IQCH: variants seen among roughly 807,000 people sequenced by gnomAD.
IQCH encodes IQ motif containing H, also known as IQ domain-containing protein H.
IQCH carries 98 observed loss-of-function variants against 117.0 expected under a neutral mutation model. The ratio of observed to expected loss-of-function variants is 0.84; its 90% confidence interval spans 0.71 to 0.99. The LOEUF is 0.99. IQCH is among the 50% of genes least tolerant of loss of function. The pLI is 0.00. For synonymous variants in IQCH, 412 were observed against 448.2 expected (o/e 0.92, Z 1.02); for missense variants, 1,102 against 1,243.8 (o/e 0.89, Z 1.72).
chr15:67,489,362 G>C (rs1000346750), intron 18 of IQCH, among the ~76,000 whole-genome samples: 1 of 151,762 alleles, frequency 6.6e-6, no homozygotes, highest in African/African-American at 2.4e-5. Flanking sequence ...TTTTGCTCTT[G>C]TTGCCCAGGC....
intron 12 of IQCH, among the ~76,000 whole-genome samples, chr15:67,389,251 A>T (rs1971204402): frequency 6.6e-6 from 1 of 152,208 alleles, no homozygotes; most frequent in Admixed American, 6.5e-5. Context: ...AGGTGGTACC[A>T]TCAAGTAGGT....
At chr15:67,450,531 A>G (rs1331683655) in intron 16 of IQCH, among the ~76,000 whole-genome samples, 2 of 151,938 alleles carry the variant, frequency 1.3e-5, no homozygotes, top group African/African-American at 4.8e-5. Context: ...GCATTTATTG[A>G]TTTGCGTATG....
At chr15:67,264,274 G>C (rs1213921931) in intron 3 of IQCH, among the ~76,000 whole-genome samples, 4 of 152,170 alleles carry the variant, frequency 2.6e-5, no homozygotes, top group Admixed American at 1.3e-4. Context: ...CAAGGCACTT[G>C]TATTAGTTAT....
At position 67,395,377 on chromosome 15, in the gene IQCH, C is replaced by A. The variant is rs779851140; in HGVS notation, c.1719C>A (p.Ala573=). The part of the protein sequence containing the change: ...RIKNLIRGTE[A]YIVSGLLHRD... Reference sequence around the variant, plus strand: ...AAAATCTCATCCGAGGAACAGAGGCCTACATCGTCAGCGGGCTCCTCCACA... The same window carrying A: ...AAAATCTCATCCGAGGAACAGAGGCATACATCGTCAGCGGGCTCCTCCACA... The change falls in exon 13 of 21, where the codon GCC becomes GCA. Residue 573 remains alanine, a synonymous_variant. Transcript: ENST00000335894. This position sits in a 1 kb window ranked among gnomAD's most constrained non-coding sequence, Gnocchi z 4.0. The A allele has an allele frequency of 6.2e-7, 1 of 1,614,064 alleles. No homozygotes were observed. The highest frequency in any genetic ancestry group is 1.7e-5 in the Admixed American group (1 of 60,010).
chr15:67,262,880 A>G (rs1344924471), intron 2 of IQCH, among the ~76,000 whole-genome samples: 2 of 147,808 alleles, frequency 1.4e-5, no homozygotes, highest in African/African-American at 5.0e-5. Flanking sequence ...AGACCCTACT[A>G]AAAAAAAAAC....
rs182936883 is a variant in IQCH at position 67,387,814 on chromosome 15, T to C, written c.1457-1017T>C. On this transcript the variant is annotated intron_variant, in intron 11 of 20. Coordinates refer to ENST00000335894, the MANE Select transcript of IQCH (RefSeq NM_001031715.3). This position sits in a 1 kb window ranked among gnomAD's most constrained non-coding sequence, Gnocchi z 4.8. ...TGAATGCTTAGAAAGGTTAAATAAC[T>C]AGAATTTAATTCAGTCTATGCTCTG... Among the ~76,000 whole-genome samples the C allele has an allele frequency of 8.9e-4, 136 of 152,326 alleles. No individual in the cohort carries two copies. The highest frequency in any genetic ancestry group is 9.3e-4 in the Non-Finnish European group (63 of 68,014).
At chr15:67,477,552 A>G (rs2083236681) in intron 18 of IQCH, among the ~76,000 whole-genome samples, 1 of 152,138 alleles carries the variant, frequency 6.6e-6, no homozygotes. Context: ...AAAATTGATA[A>G]AGAGAGAATG....
chr15:67,344,876 C>A (rs955281563), intron 6 of IQCH, among the ~76,000 whole-genome samples: 2 of 152,180 alleles, frequency 1.3e-5, no homozygotes, highest in Non-Finnish European at 2.9e-5. Context: ...CAAGACCCAA[C>A]TGTATGTGGT....
chr15:67,354,023 C>T (rs554872530), intron 6 of IQCH, among the ~76,000 whole-genome samples: 22 of 152,142 alleles, frequency 1.4e-4, no homozygotes, highest in Admixed American at 8.5e-4. Flanking sequence ...AGGCCTCAGG[C>T]CTTTTATAGG....
intron 8 of IQCH, among the ~76,000 whole-genome samples, chr15:67,371,792 G>T (rs142852833): frequency 5.1e-4 from 77 of 152,326 alleles, no homozygotes; most frequent in African/African-American, 1.8e-3. Context: ...CTAAATCACA[G>T]AGATTGGGGG....
rs1196939457 is a variant in IQCH, at chr15:67,395,531, C to G, written c.1873C>G (p.Pro625Ala). The G allele has an allele frequency of 6.2e-7, 1 of 1,613,742 alleles. No homozygotes were observed. Among genetic ancestry groups the G allele is most frequent in the Non-Finnish European group, 8.5e-7 (1 of 1,179,926 alleles). ...VFDSANVAVPPGIYDIYSQQQ... is the reference protein window; with the variant it reads ...VFDSANVAVPAGIYDIYSQQQ... ...TGACAGTGCCAATGTGGCAGTTCCTCCTGGAATATATGATATTTATAGTCA... is the reference window on the plus strand; with the variant it reads ...TGACAGTGCCAATGTGGCAGTTCCTGCTGGAATATATGATATTTATAGTCA... Residue 625 changes from proline (P) to alanine (A), a missense_variant, in exon 13 of 21, where the codon CCT becomes GCT. Physicochemically the swap from Pro to Ala is conservative, Grantham distance 27 (BLOSUM62 -1). Coordinates refer to ENST00000335894, the MANE Select transcript of IQCH (RefSeq NM_001031715.3). This position sits in a 1 kb window ranked among gnomAD's most constrained non-coding sequence, Gnocchi z 4.0.
At chr15:67,497,323 C>CA (rs907454472) in intron 20 of IQCH, among the ~76,000 whole-genome samples, 13 of 145,702 alleles carry the variant, frequency 8.9e-5, no homozygotes, top group East Asian at 2.0e-4. Context: ...GACCTAGTCT[C>CA]AAAAAAAAAG....
In IQCH at chr15:67,465,995, G is replaced by A. The variant is rs1393504140; in HGVS notation, c.2676+698G>A. ...CAAGGTGAAAAGCCAGTCTGAGCAT[G>A]TTGTTCCCCTGTGTGTGATTTTGAA... On this transcript the variant is annotated intron_variant, in intron 17 of 20. Transcript: ENST00000335894. This position sits in a 1 kb window ranked among gnomAD's most constrained non-coding sequence, Gnocchi z 5.9. Among the ~76,000 whole-genome samples, 3 of 152,212 alleles carry A rather than the reference G, an allele frequency of 2.0e-5. No homozygotes were observed. Among genetic ancestry groups the A allele is most frequent in the Non-Finnish European group, 4.4e-5 (3 of 68,038 alleles).
chr15:67,303,092 A>G (rs1273224165), intron 4 of IQCH, among the ~76,000 whole-genome samples: 1 of 152,210 alleles, frequency 6.6e-6, no homozygotes, highest in Non-Finnish European at 1.5e-5. Context: ...CATTTTAACA[A>G]CTGCATCAGA....
chr15:67,260,469 A>G (rs1965410694), intron 1 of IQCH, among the ~76,000 whole-genome samples: 2 of 152,370 alleles, frequency 1.3e-5, no homozygotes, highest in Middle Eastern at 3.4e-3. Context: ...CTCCTTCTTC[A>G]GAGCAGTAAG....
chr15:67,488,503 T>A (rs1046511863), intron 18 of IQCH, among the ~76,000 whole-genome samples: 4 of 152,192 alleles, frequency 2.6e-5, no homozygotes, highest in Admixed American at 1.3e-4. Context: ...CTAGACAGAA[T>A]TTGCTTGTCT....
intron 17 of IQCH, among the ~76,000 whole-genome samples, chr15:67,468,612 CCTGCTTCGTAACTGAAATA>C (rs1285056780): frequency 2.0e-5 from 3 of 152,318 alleles, no homozygotes; most frequent in African/African-American, 7.2e-5. Flanking sequence ...CATGTGGATG[CCTGCTTCGTAACTGAAATA>C]AGAACCTCAT....
chr15:67,351,247 C>G (rs1032398497), intron 6 of IQCH, among the ~76,000 whole-genome samples: 4 of 152,008 alleles, frequency 2.6e-5, no homozygotes, highest in Non-Finnish European at 2.9e-5. Flanking sequence ...TGCTTCCCCC[C>G]ACCCCCCAAC....
rs56134528 is a variant in IQCH, at chr15:67,348,355, T to TCACACACACA, written c.637+4180_637+4189dup. On this transcript the variant is annotated intron_variant, in intron 6 of 20. Transcript: ENST00000335894. ...TTACTGCATAGAAATTCGCAAGCCA[T>TCACACACACA]CACACACACACACACACACACACAC... Among the ~76,000 whole-genome samples, 853 of 147,776 alleles carry TCACACACACA rather than the reference T, an allele frequency of 5.8e-3. 8 individuals are homozygous for TCACACACACA. Among genetic ancestry groups the TCACACACACA allele is most frequent in the African/African-American group, 0.02 (821 of 40,524 alleles).
Sources: allele counts gnomAD v4.1 joint callset (sites outside exome capture counted in the v4.1 genomes callset), GRCh38; gene constraint gnomAD v4.1.1; non-coding constraint Gnocchi (gnomAD v3.1); transcripts MANE v1.5; gene names NCBI Gene and HGNC (gene_info 2026-07-23, HGNC 2026-07-21).